Variants in ASB15 observed in about 807,000 individuals in gnomAD.
ASB15 encodes the protein ankyrin repeat and SOCS box protein 15.
Under a neutral mutation model 58.0 loss-of-function variants are expected in ASB15, and 54 were observed. The ratio of observed to expected loss-of-function variants is 0.93; its 90% CI spans 0.75 to 1.17. The LOEUF (loss-of-function observed/expected upper bound fraction) is 1.17, where lower values mean the gene tolerates loss of function less well. Ranked by LOEUF, ASB15 falls within the 50% of genes most tolerant of loss-of-function variation. The pLI, the probability that ASB15 is intolerant of heterozygous loss-of-function variation, is 0.00. For synonymous variants in ASB15, 249 were observed against 262.4 expected, an observed-to-expected ratio of 0.95 and a Z score of 0.50; for missense variants, 680 against 707.4, an observed-to-expected ratio of 0.96 and a Z score of 0.44.
intron 11 of ASB15, among the ~76,000 whole-genome samples, chr7:123,631,839 G>A (rs890966386): frequency 2.6e-5 from 4 of 152,254 alleles, no homozygotes; most frequent in African/African-American, 9.6e-5. Context: ...AGCACTTTGG[G>A]AGGCCGAGGC....
At chr7:123,584,009 C>G (rs1387236682) in intron 1 of ASB15, among the ~76,000 whole-genome samples, 2 of 151,838 alleles carry the variant, frequency 1.3e-5, no homozygotes, top group Non-Finnish European at 2.9e-5. Context: ...CTGGTTAGCC[C>G]CGGAGTTCAT....
intron 1 of ASB15, among the ~76,000 whole-genome samples, chr7:123,571,953 A>T (rs999004350): frequency 3.3e-5 from 5 of 151,538 alleles, no homozygotes; most frequent in Admixed American, 3.3e-4. Flanking sequence ...TAATGTTTTT[A>T]TAGAGATGGA....
intron 1 of ASB15, among the ~76,000 whole-genome samples, chr7:123,581,731 T>G (rs1799238859): frequency 6.6e-6 from 1 of 151,964 alleles, no homozygotes; most frequent in Non-Finnish European, 1.5e-5. Flanking sequence ...AAGTAGGCTG[T>G]AACATGAAAA....
chr7:123,568,392 T>C (rs1214669265), intron 1 of ASB15, among the ~76,000 whole-genome samples: 5 of 151,322 alleles, frequency 3.3e-5, no homozygotes, highest in African/African-American at 1.2e-4. Flanking sequence ...TGGTGGCGCA[T>C]GCTTGTAATC....
intron 1 of ASB15, among the ~76,000 whole-genome samples, chr7:123,574,208 C>CT (rs77390713): frequency 4.5e-4 from 64 of 142,350 alleles, no homozygotes; most frequent in African/African-American, 7.2e-4. Flanking sequence ...CTTTTTTTTT[C>CT]TTTTTTTTTT....
rs937445872 is a variant in ASB15 at position 123,629,828 on chromosome 7, T to C, written c.1441-138T>C. On this transcript the variant is annotated intron_variant, in intron 10 of 11. Coordinates refer to ENST00000451215, the MANE Select transcript of ASB15 (RefSeq NM_001290258.2). ...TTCACAGAGAGAAGCAAACAATTTATTTTTAATTTTTGTTCATTACAAGGA... is the reference window on the plus strand; with the variant it reads ...TTCACAGAGAGAAGCAAACAATTTACTTTTAATTTTTGTTCATTACAAGGA... 13 of 676,698 alleles carry C rather than the reference T, an allele frequency of 1.9e-5. No individual in the cohort carries two copies. In the Admixed American group the frequency reaches 3.3e-4, roughly 17 times the overall value. 41.9% of individuals were successfully genotyped at this position (676,698 alleles called of 1,614,324 possible).
chr7:123,631,946 C>T (rs1337588961), intron 11 of ASB15, among the ~76,000 whole-genome samples: 3 of 151,902 alleles, frequency 2.0e-5, no homozygotes, highest in East Asian at 1.9e-4. Flanking sequence ...GGCGTGCTGG[C>T]GGGCGCCTGT....
chr7:123,622,201 TAATA>T (rs1422302684), intron 7 of ASB15, among the ~76,000 whole-genome samples: 3 of 152,288 alleles, frequency 2.0e-5, no homozygotes, highest in South Asian at 4.1e-4. Flanking sequence ...TTTTAAAAAT[TAATA>T]AATAATTTGA....
chr7:123,621,487 G>C (rs558417401), intron 7 of ASB15: 1 of 152,294 alleles, frequency 6.6e-6, no homozygotes, highest in Non-Finnish European at 1.5e-5. Context: ...GTTTGTTCTT[G>C]AATCTATGGT....
chr7:123,611,770 GCTC>G (rs1800476237), intron 3 of ASB15, among the ~76,000 whole-genome samples: 1 of 151,724 alleles, frequency 6.6e-6, no homozygotes, highest in African/African-American at 2.4e-5. Flanking sequence ...TTCCAGTAAT[GCTC>G]CTTTGACTGA....
Position 123,629,032 on chromosome 7 carries a change from T to G in ASB15, c.1038T>G (p.Tyr346Ter). 1 of 1,613,924 alleles carries G rather than the reference T, an allele frequency of 6.2e-7. No homozygotes were observed. The highest frequency in any genetic ancestry group is 8.5e-7 in the Non-Finnish European group (1 of 1,179,906). ...TLLADHISQS[Y>*]DDERKTALYF... ...TTGCTGACCACATTTCCCAGAGCTA[T>G]GACGATGAGAGGAAGACTGCGCTGT... The change falls in exon 10 of 12, where the codon TAT becomes TAG. Residue 346 changes from tyrosine (Y) to a stop codon, truncating the protein, a stop_gained. Coordinates refer to ENST00000451215, the MANE Select transcript of ASB15 (RefSeq NM_001290258.2). LOFTEE classifies it high-confidence loss of function.
At chr7:123,589,318 T>TATC (rs1488834868) in intron 1 of ASB15, among the ~76,000 whole-genome samples, 2 of 149,954 alleles carry the variant, frequency 1.3e-5, no homozygotes, top group Admixed American at 6.7e-5. Flanking sequence ...TTATTATTAT[T>TATC]ATTATCATTA....
Position 123,629,372 on chromosome 7 carries a change from T to C in ASB15, c.1378T>C (p.Trp460Arg), listed in dbSNP as rs199686253. The change falls in exon 10 of 12, where the codon TGG (tryptophan) becomes CGG (arginine). Residue 460 changes from tryptophan (W) to arginine (R), a missense_variant. Trp to Arg is a moderately radical substitution (Grantham distance 101, BLOSUM62 -3). Transcript: ENST00000451215. Reference sequence around the variant, plus strand: ...TGACATCTTTGGAAATTCATTTGTGTGGTCAGAGATACAGGAAGAGGTGCT... The same window carrying C: ...TGACATCTTTGGAAATTCATTTGTGCGGTCAGAGATACAGGAAGAGGTGCT... The part of the protein sequence containing the change: ...HGDIFGNSFV[W>R]SEIQEEVLPG... 3.1e-6 allele frequency: 5 copies of C among 1,613,996 alleles called. No individual in the cohort carries two copies. The highest frequency in any genetic ancestry group is 3.4e-6 in the Non-Finnish European group (4 of 1,179,990).
At chr7:123,631,571 A>G (rs1488783184) in intron 11 of ASB15, among the ~76,000 whole-genome samples, 1 of 152,166 alleles carries the variant, frequency 6.6e-6, no homozygotes, top group Non-Finnish European at 1.5e-5. Flanking sequence ...TTAAGCCCGC[A>G]TTGAGAGTAA....
chr7:123,617,014 C>G (rs1196158934), intron 6 of ASB15, among the ~76,000 whole-genome samples: 1 of 152,020 alleles, frequency 6.6e-6, no homozygotes, highest in African/African-American at 2.4e-5. Flanking sequence ...TGTTCTAATA[C>G]AGTGTTTTCA....
chr7:123,604,480 G>T (rs1800039870), intron 2 of ASB15, among the ~76,000 whole-genome samples: 1 of 151,948 alleles, frequency 6.6e-6, no homozygotes, highest in Non-Finnish European at 1.5e-5. Flanking sequence ...TACTCGGGAG[G>T]CTGGGGCAGG....
intron 3 of ASB15, chr7:123,614,119 AT>A: frequency 5.9e-6 from 1 of 170,444 alleles, no homozygotes; most frequent in Non-Finnish European, 1.2e-5. Flanking sequence ...CATTGGATCA[AT>A]TTTTAAGCTT....
At chr7:123,587,717 C>T (rs904725380) in intron 1 of ASB15, among the ~76,000 whole-genome samples, 3 of 151,650 alleles carry the variant, frequency 2.0e-5, no homozygotes, top group Middle Eastern at 3.2e-3. Flanking sequence ...TCTTTCTATA[C>T]CTAATTAGCT....
chr7:123,583,779 A>G (rs1012300900), intron 1 of ASB15, among the ~76,000 whole-genome samples: 2 of 151,958 alleles, frequency 1.3e-5, no homozygotes, highest in African/African-American at 4.8e-5. Context: ...TATACTGAGA[A>G]GCAAAGTAGA....
Sources: gnomAD v4.1 joint callset for allele counts (sites outside exome capture counted in the v4.1 genomes callset) on GRCh38, gnomAD v4.1.1 for gene constraint, MANE v1.5 for transcripts, NCBI Gene and HGNC (gene_info 2026-07-23, HGNC 2026-07-21) for gene names.